EPHA7: variants seen among roughly 807,000 people sequenced by gnomAD.
EPHA7 encodes the protein ephrin type-A receptor 7.
A neutral mutation model predicts 112.6 loss-of-function variants in EPHA7; 25 were observed. That is an observed-to-expected ratio of 0.22 (90% CI 0.16 to 0.31). The LOEUF (loss-of-function observed/expected upper bound fraction) is 0.31, where lower values mean the gene tolerates loss of function less well. EPHA7 is among the 10% of genes least tolerant of loss of function. The pLI is 1.00. For synonymous variants in EPHA7, 437 were observed against 406.5 expected (o/e 1.07, Z -0.90); for missense variants, 962 against 1,212.6 (o/e 0.79, Z 3.07).
intron 3 of EPHA7, among the ~76,000 whole-genome samples, chr6:93,383,733 G>C (rs114758102): frequency 0.011 from 1,688 of 152,186 alleles, 29 homozygotes; most frequent in African/African-American, 0.039. Flanking sequence ...ACAATGTCTT[G>C]TTGTCACCCA....
chr6:93,370,969 C>G (rs565448079), intron 3 of EPHA7, among the ~76,000 whole-genome samples: 97 of 150,534 alleles, frequency 6.4e-4, no homozygotes, highest in Admixed American at 9.3e-4. Flanking sequence ...CATGGTGAAA[C>G]CCTGTCTCTA....
chr6:93,257,589 C>G (rs912158082), intron 11 of EPHA7, 66 bp from the exon 12 acceptor site: 1 of 1,034,768 alleles, frequency 9.7e-7, no homozygotes, highest in Admixed American at 2.1e-5. Context: ...CCTTTCTCAT[C>G]CCCCAATAAA....
intron 5 of EPHA7, among the ~76,000 whole-genome samples, chr6:93,305,197 T>G (rs1411118590): frequency 6.6e-6 from 1 of 151,840 alleles, no homozygotes; most frequent in African/African-American, 2.4e-5. Flanking sequence ...AAAGTGTTCA[T>G]GGAAGGAAAG....
intron 3 of EPHA7, among the ~76,000 whole-genome samples, chr6:93,405,805 GTGTGTGTGTATATATATA>G (rs1297297962): frequency 7.8e-5 from 5 of 64,468 alleles, no homozygotes; most frequent in South Asian, 5.8e-4. Context: ...GTGTGTGTGT[GTGTGTGTGTATATATATA>G]TATATATATA....
chr6:93,269,539 C>G lies in EPHA7; in HGVS notation c.1571G>C (p.Gly524Ala), dbSNP rs748625367. Residue 524 changes from glycine (G) to alanine (A), a missense_variant, in exon 7 of 17, where the codon GGA becomes GCA. By Grantham distance (60) the Gly-to-Ala change is moderately conservative (BLOSUM62 0). This residue lies in a region of EPHA7 where 746 missense variants were observed against 889.2 expected (regional missense o/e 0.84). Transcript: ENST00000369303. The stretch of plus-strand genomic sequence containing the variant: ...AACATCAAGTCTGGGACTGTAATTT[C>G]CATAACCAGCAGCAGTAAAAGCCCG... ...QIRAFTAAGY[G>A]NYSPRLDVAT... is the part of the protein sequence containing the mutation. 6.2e-7 allele frequency: 1 copy of G among 1,611,162 alleles called. No homozygotes were observed. The highest frequency in any genetic ancestry group is 8.5e-7 in the Non-Finnish European group (1 of 1,178,228).
chr6:93,331,636 G>C (rs1262006223), intron 5 of EPHA7, among the ~76,000 whole-genome samples: 2 of 151,322 alleles, frequency 1.3e-5, no homozygotes, highest in Admixed American at 6.6e-5. Flanking sequence ...GAATACCTAA[G>C]GACAAATTAT....
intron 16 of EPHA7, 28 bp downstream of exon 16, chr6:93,245,269 TA>T: frequency 6.3e-7 from 1 of 1,596,462 alleles, no homozygotes; most frequent in Non-Finnish European, 8.5e-7. Flanking sequence ...AATAAATCCT[TA>T]AATACAATTT....
intron 12 of EPHA7, 111 bp from the exon 13 acceptor site, chr6:93,256,148 G>A: frequency 1.1e-6 from 1 of 899,290 alleles, no homozygotes; most frequent in South Asian, 1.8e-5. Context: ...AATAGGAATT[G>A]TTAATTTTTT....
rs185435265 is a variant in EPHA7 at position 93,296,922 on chromosome 6, G to A, written c.1325-24500C>T. On this transcript the variant is annotated intron_variant, in intron 5 of 16. Transcript: ENST00000369303. Reference sequence around the variant, plus strand: ...AAAATTATACTGTGTTTGGATTCCTGCTAAATGAGTAGATTTTACCTGGTT... The same window carrying A: ...AAAATTATACTGTGTTTGGATTCCTACTAAATGAGTAGATTTTACCTGGTT... 4.5e-4 allele frequency among the ~76,000 whole-genome samples: 68 copies of A among 151,962 alleles called. 1 individual carries two copies. Among genetic ancestry groups the A allele is most frequent in the African/African-American group, 1.6e-3 (66 of 41,486 alleles).
At chr6:93,286,133 G>A (rs1772048965) in intron 5 of EPHA7, among the ~76,000 whole-genome samples, 1 of 150,360 alleles carries the variant, frequency 6.7e-6, no homozygotes. Context: ...TTTGATTGTT[G>A]TTGTTTTTCC....
intron 5 of EPHA7, among the ~76,000 whole-genome samples, chr6:93,290,653 C>A (rs1177323059): frequency 6.6e-6 from 1 of 152,110 alleles, no homozygotes; most frequent in East Asian, 1.9e-4. Context: ...AGTTTTAGAT[C>A]TCTTTTGCTT....
At chr6:93,287,351 G>C (rs1375474631) in intron 5 of EPHA7, among the ~76,000 whole-genome samples, 1 of 151,718 alleles carries the variant, frequency 6.6e-6, no homozygotes, top group South Asian at 2.1e-4. Context: ...TCTGGCTTCG[G>C]TCCACCTCAT....
At chr6:93,386,275 C>G (rs1308063776) in intron 3 of EPHA7, among the ~76,000 whole-genome samples, 1 of 152,134 alleles carries the variant, frequency 6.6e-6, no homozygotes, top group African/African-American at 2.4e-5. Flanking sequence ...AAGTTAGTTA[C>G]TTTTTAGATA....
intron 1 of EPHA7, among the ~76,000 whole-genome samples, chr6:93,414,975 A>C (rs1199496309): frequency 1.3e-5 from 2 of 152,114 alleles, no homozygotes; most frequent in Admixed American, 6.5e-5. Flanking sequence ...CACCAATATT[A>C]TATTTGGTAT....
In EPHA7 at chr6:93,272,405, C is replaced by T. The variant is rs769773179; in HGVS notation, c.1342G>A (p.Gly448Arg). The change falls in exon 6 of 17, where the codon GGA becomes AGA. Residue 448 changes from glycine to arginine, a missense_variant. Around this residue, in one of 3 missense-constraint regions of EPHA7, gnomAD observed 746 missense variants for 889.2 expected, o/e 0.84. Coordinates refer to ENST00000369303, the MANE Select transcript of EPHA7 (RefSeq NM_004440.4). Reference sequence around the variant, plus strand: ...TGCAGTACTCTCTCCTTCATTACTCCACTCACTTGCGAGGGAGCTGTTTGG... The same window carrying T: ...TGCAGTACTCTCTCCTTCATTACTCTACTCACTTGCGAGGGAGCTGTTTGG... The part of the protein sequence containing the change: ...TGQAAPSQVS[G>R]VMKERVLQRS... 56 of 1,611,830 alleles carry T rather than the reference C, an allele frequency of 3.5e-5. No homozygotes were observed. Among genetic ancestry groups the T allele is most frequent in the African/African-American group, 6.7e-5 (5 of 74,736 alleles).
At chr6:93,370,990 AAAAAAAAAAAAAAG>A (rs1307072908) in intron 3 of EPHA7, among the ~76,000 whole-genome samples, 17 of 130,244 alleles carry the variant, frequency 1.3e-4, no homozygotes, top group African/African-American at 4.8e-4. Context: ...CGAAAAATAC[AAAAAAAAAAAAAAG>A]AAAAAAAAAC....
intron 3 of EPHA7, among the ~76,000 whole-genome samples, chr6:93,385,605 A>G (rs1777559826): frequency 6.6e-6 from 1 of 151,996 alleles, no homozygotes; most frequent in Admixed American, 6.6e-5. Flanking sequence ...GAGACTGAAG[A>G]ATGAGACAAT....
At chr6:93,311,112 C>CTTTTTTTTTTTTTTTTTTTTTTTTTTTTT (rs1434719790) in intron 5 of EPHA7, among the ~76,000 whole-genome samples, 1 of 71,030 alleles carries the variant, frequency 1.4e-5, no homozygotes, top group African/African-American at 6.7e-5. Flanking sequence ...TCATGCCCAG[C>CTTTTTTTTTTTTTTTTTTTTTTTTTTTTT]TATTTTTTTT....
chr6:93,322,936 C>A (rs141726012), intron 5 of EPHA7, among the ~76,000 whole-genome samples: 1 of 151,282 alleles, frequency 6.6e-6, no homozygotes, highest in Non-Finnish European at 1.5e-5. Flanking sequence ...TTGAGGGTCA[C>A]ATAGAATAGC....
Sources: allele counts gnomAD v4.1 joint callset (sites outside exome capture counted in the v4.1 genomes callset), GRCh38; gene constraint gnomAD v4.1.1; regional missense constraint gnomAD v4.1.1; transcripts MANE v1.5; gene names NCBI Gene and HGNC (gene_info 2026-07-23, HGNC 2026-07-21).